The following EXOC6B variants were observed in gnomAD, a reference collection of about 807,000 sequenced individuals.
The protein encoded by EXOC6B is SEC15 homolog B.
In EXOC6B, 54 loss-of-function variants were observed where a neutral mutation model predicts 113.5. The observed-to-expected ratio is 0.48, with a 90% CI of 0.38 to 0.60. The LOEUF (loss-of-function observed/expected upper bound fraction) is 0.60, where lower values mean the gene tolerates loss of function less well. Among genes scored for constraint, EXOC6B ranks in the 20% least tolerant of loss-of-function variants. The pLI, the probability that EXOC6B is intolerant of heterozygous loss-of-function variation, is 0.00. For missense variants in EXOC6B, 797 were observed against 977.5 expected (o/e 0.82, Z 2.46); for synonymous variants, 357 against 339.0 (o/e 1.05, Z -0.58).
intron 6 of EXOC6B, among the ~76,000 whole-genome samples, chr2:72,693,343 T>A (rs1677638905): frequency 6.6e-6 from 1 of 151,938 alleles, no homozygotes; most frequent in Non-Finnish European, 1.5e-5. Flanking sequence ...TGGAGTGCAG[T>A]GGTGCAATCT....
At chr2:72,234,024 G>A (rs570535655) in intron 20 of EXOC6B, among the ~76,000 whole-genome samples, 1 of 151,990 alleles carries the variant, frequency 6.6e-6, no homozygotes, top group African/African-American at 2.4e-5. Flanking sequence ...ATGCCTGCTA[G>A]AGTGTCCAGC....
intron 6 of EXOC6B, among the ~76,000 whole-genome samples, chr2:72,593,890 G>A (rs1050235217): frequency 6.6e-6 from 1 of 152,156 alleles, no homozygotes; most frequent in African/African-American, 2.4e-5. Flanking sequence ...TTAAAGAAAT[G>A]GAACATGTAG....
chr2:72,532,989 C>T (rs1230646501), intron 8 of EXOC6B, among the ~76,000 whole-genome samples: 1 of 152,074 alleles, frequency 6.6e-6, no homozygotes, highest in Non-Finnish European at 1.5e-5. Context: ...TAATAACTTT[C>T]CCTAAAATTA....
At chr2:72,638,393 C>T (rs1389290431) in intron 6 of EXOC6B, among the ~76,000 whole-genome samples, 2 of 151,746 alleles carry the variant, frequency 1.3e-5, no homozygotes, top group Admixed American at 6.6e-5. Context: ...GCAGGATGGC[C>T]GACTAGATGC....
intron 8 of EXOC6B, among the ~76,000 whole-genome samples, chr2:72,537,642 A>G (rs987012581): frequency 6.6e-6 from 1 of 152,008 alleles, no homozygotes; most frequent in African/African-American, 2.4e-5. Flanking sequence ...CAAAAAATAC[A>G]TATATATGGA....
chr2:72,657,567 CTTTTTTTTTT>C (rs70963136), intron 6 of EXOC6B, among the ~76,000 whole-genome samples: 2 of 50,356 alleles, frequency 4.0e-5, no homozygotes, highest in African/African-American at 9.6e-5. Context: ...CTTTCCTTTT[CTTTTTTTTTT>C]TTTTTTTTTT....
intron 20 of EXOC6B, among the ~76,000 whole-genome samples, chr2:72,321,426 T>C (rs948674331): frequency 1.3e-5 from 2 of 150,848 alleles, no homozygotes. Flanking sequence ...TCCCAGCTAC[T>C]CGGGAGGCTG....
chr2:72,719,323 A>C (rs1323830048), intron 5 of EXOC6B, among the ~76,000 whole-genome samples: 1 of 152,242 alleles, frequency 6.6e-6, no homozygotes, highest in Non-Finnish European at 1.5e-5. Context: ...TCTACTGGTC[A>C]AATGTTACAA....
intron 5 of EXOC6B, among the ~76,000 whole-genome samples, chr2:72,724,938 C>T (rs1370009880): frequency 4.6e-5 from 7 of 152,088 alleles, no homozygotes; most frequent in Non-Finnish European, 7.4e-5. Flanking sequence ...GTTAATCAAG[C>T]TGTCCAACAT....
intron 19 of EXOC6B, among the ~76,000 whole-genome samples, chr2:72,365,816 G>A (rs1373719862): frequency 3.3e-5 from 5 of 152,110 alleles, no homozygotes; most frequent in African/African-American, 4.8e-5. Context: ...ACCAGCCAGA[G>A]TTTAAAGACC....
At chr2:72,240,581 G>T (rs923380833) in intron 20 of EXOC6B, among the ~76,000 whole-genome samples, 1 of 152,128 alleles carries the variant, frequency 6.6e-6, no homozygotes, top group Non-Finnish European at 1.5e-5. Flanking sequence ...AAATTAAAAG[G>T]ATGAGGTTGT....
intron 18 of EXOC6B, among the ~76,000 whole-genome samples, chr2:72,442,861 C>T (rs1696293939): frequency 6.6e-6 from 1 of 152,126 alleles, no homozygotes; most frequent in Non-Finnish European, 1.5e-5. Context: ...CTGCCATTGA[C>T]ATTCTTCACA....
chr2:72,808,477 G>C (rs1432869582), intron 1 of EXOC6B, among the ~76,000 whole-genome samples: 1 of 152,120 alleles, frequency 6.6e-6, no homozygotes, highest in Non-Finnish European at 1.5e-5. Flanking sequence ...ACACAACAGA[G>C]GGCAAGCATG....
chr2:72,523,105 G>A (rs544024482), intron 8 of EXOC6B, among the ~76,000 whole-genome samples: 37 of 152,252 alleles, frequency 2.4e-4, no homozygotes, highest in African/African-American at 8.9e-4. Flanking sequence ...AAATGAATGA[G>A]GCTTGTTTTT....
At chr2:72,308,086 G>C in intron 20 of EXOC6B, among the ~76,000 whole-genome samples, 1 of 152,088 alleles carries the variant, frequency 6.6e-6, no homozygotes, top group East Asian at 1.9e-4. Context: ...AATTGAATAG[G>C]TAAAGAAATC....
intron 6 of EXOC6B, among the ~76,000 whole-genome samples, chr2:72,659,664 C>T (rs906011076): frequency 2.6e-5 from 4 of 151,944 alleles, no homozygotes. Flanking sequence ...GGAACCAGAA[C>T]AAGATTTCAA....
At chr2:72,380,483 C>CA (rs1400541012) in intron 18 of EXOC6B, among the ~76,000 whole-genome samples, 3 of 151,782 alleles carry the variant, frequency 2.0e-5, no homozygotes, top group Admixed American at 6.6e-5. Flanking sequence ...ACTAAAAATG[C>CA]AAAAAAATTA....
At chr2:72,705,065 T>C (rs1678749846) in intron 6 of EXOC6B, among the ~76,000 whole-genome samples, 2 of 151,128 alleles carry the variant, frequency 1.3e-5, no homozygotes, top group Admixed American at 1.3e-4. Flanking sequence ...TGAACATTGA[T>C]GCAAAAATCC....
chr2:72,689,822 C>G (rs1216862603), intron 6 of EXOC6B, among the ~76,000 whole-genome samples: 3 of 152,142 alleles, frequency 2.0e-5, no homozygotes, highest in African/African-American at 7.2e-5. Flanking sequence ...ACTCAAGTGT[C>G]CCTAAGTTTT....
Sources: allele counts gnomAD v4.1 joint callset (sites outside exome capture counted in the v4.1 genomes callset), GRCh38; gene constraint gnomAD v4.1.1; transcripts MANE v1.5; gene names NCBI Gene and HGNC (gene_info 2026-07-23, HGNC 2026-07-21).